Variants in PSMF1 observed in about 807,000 individuals in gnomAD.
PSMF1 encodes proteasome inhibitor subunit 1, also known as proteasome inhibitor PI31 subunit.
In PSMF1, 30 loss-of-function variants were observed where a neutral mutation model predicts 29.3. That is an observed-to-expected ratio of 1.02 (90% CI 0.77 to 1.39). The LOEUF (loss-of-function observed/expected upper bound fraction) is 1.39. Among genes scored for constraint, PSMF1 ranks in the 40% most tolerant of loss-of-function variants. The pLI, the probability that PSMF1 is intolerant of heterozygous loss-of-function variation, is 0.00. For synonymous variants in PSMF1, 134 were observed against 139.7 expected, an observed-to-expected ratio of 0.96 and a Z score of 0.29; for missense variants, 344 against 357.5, an observed-to-expected ratio of 0.96 and a Z score of 0.31.
chr20:1,125,633 A>C lies in PSMF1; in HGVS notation c.265A>C (p.Met89Leu), dbSNP rs1331719552. The change falls in exon 2 of 7, where the codon ATG (methionine) becomes CTG (leucine). Residue 89 changes from methionine to leucine, a missense_variant. By Grantham distance (15) the Met-to-Leu change is conservative. Transcript: ENST00000335877. ...LVKAITVESS[M>L]ILNVLEYGSQ... ...GAAAGCCATCACCGTGGAGAGCAGCATGATCCTCAATGTGCTGGTGAGTCT... is the reference window on the plus strand; with the variant it reads ...GAAAGCCATCACCGTGGAGAGCAGCCTGATCCTCAATGTGCTGGTGAGTCT... 1.9e-6 allele frequency: 3 copies of C among 1,612,636 alleles called. No homozygotes were observed. The highest frequency in any genetic ancestry group is 2.7e-5 in the African/African-American group (2 of 74,876).
intron 2 of PSMF1, chr20:1,125,913 A>G: frequency 1.6e-6 from 1 of 606,868 alleles, no homozygotes; most frequent in Non-Finnish European, 3.1e-6. Flanking sequence ...TTCAGTGACA[A>G]GATAGAAGGG....
chr20:1,155,723 C>T (rs2086586697), intron 4 of PSMF1, among the ~76,000 whole-genome samples: 1 of 152,210 alleles, frequency 6.6e-6, no homozygotes, highest in Non-Finnish European at 1.5e-5. Flanking sequence ...AACTGGATAG[C>T]ACATGCATGG....
Position 1,132,972 on chromosome 20 carries a change from T to TTG in PSMF1, c.366-2148_366-2147insGT, listed in dbSNP as rs1555759786. 1.3e-4 allele frequency among the ~76,000 whole-genome samples: 19 copies of TTG among 149,920 alleles called. 1 individual carries two copies. Among genetic ancestry groups the TTG allele is most frequent in the Admixed American group, 1.3e-4 (2 of 15,076 alleles). Reference sequence around the variant, plus strand: ...TCAAGGTGTTTAGGGTTTTTTTGTTTTTTTTTTTTTTTGGTAGATTCCTTG... The same window carrying TTG: ...TCAAGGTGTTTAGGGTTTTTTTGTTTTGTTTTTTTTTTTTGGTAGATTCCTTG... On this transcript the variant is annotated intron_variant, in intron 3 of 6. Coordinates refer to ENST00000335877, the MANE Select transcript of PSMF1 (RefSeq NM_006814.5).
chr20:1,163,241 C>T lies in PSMF1; in HGVS notation c.605+58C>T. On this transcript the variant is annotated intron_variant, in intron 5 of 6. Coordinates refer to ENST00000335877, the MANE Select transcript of PSMF1 (RefSeq NM_006814.5). The surrounding 1 kb of genome is among the most constrained non-coding windows in gnomAD (Gnocchi z 6.1). ...ACTTGCTTTTGTGGCTTTTCAGCCC[C>T]AGCTCATCTTCTAATTTTAGAGTTT... 6.4e-7 allele frequency: 1 copy of T among 1,562,860 alleles called. No homozygotes were observed. Among genetic ancestry groups the T allele is most frequent in the Non-Finnish European group, 8.8e-7 (1 of 1,135,482 alleles).
rs749845452 is a variant in PSMF1, at chr20:1,166,229, C to G, written c.*1149C>G. On this transcript the variant is annotated 3_prime_UTR_variant, in exon 7 of 7. Coordinates refer to ENST00000335877, the MANE Select transcript of PSMF1 (RefSeq NM_006814.5). ...GGTGTTCTCCGGATCCTTTTCAGCC[C>G]GAGGCCTGACAGACGCGGGCAGTGA... 2.5e-6 allele frequency: 4 copies of G among 1,612,356 alleles called. No homozygotes were observed. In the South Asian group the frequency reaches 3.3e-5, roughly 13 times the overall value.
chr20:1,152,894 G>A (rs1227075619), intron 4 of PSMF1, among the ~76,000 whole-genome samples: 1 of 152,154 alleles, frequency 6.6e-6, no homozygotes, highest in African/African-American at 2.4e-5. Context: ...TGCTTCAGTA[G>A]ACATACTTTT....
rs2086704871 is a variant in PSMF1 at position 1,164,487 on chromosome 20, A to G, written c.764+11A>G. 2 of 1,613,646 alleles carry G rather than the reference A, an allele frequency of 1.2e-6. No individual in the cohort carries two copies. The highest frequency in any genetic ancestry group is 2.2e-5 in the East Asian group (1 of 44,878). On this transcript the variant is annotated intron_variant, in intron 6 of 6. Coordinates refer to ENST00000335877, the MANE Select transcript of PSMF1 (RefSeq NM_006814.5). This position sits in a 1 kb window ranked among gnomAD's most constrained non-coding sequence, Gnocchi z 4.1. Reference sequence around the variant, plus strand: ...GACCAGCCCACCCGGGTACGTAGTCACTCAGGTATGCTGAGAAGTAGGACC... The same window carrying G: ...GACCAGCCCACCCGGGTACGTAGTCGCTCAGGTATGCTGAGAAGTAGGACC...
rs1244169481 is a variant in PSMF1 at position 1,166,209 on chromosome 20, TCTC to T, written c.*1131_*1133del. ...TCCTGGCCCACCTGACCTTTGGTGT[TCTC>T]CGGATCCTTTTCAGCCCGAGGCCTG... On this transcript the variant is annotated 3_prime_UTR_variant, in exon 7 of 7. Transcript: ENST00000335877. The T allele has an allele frequency of 6.2e-7, 1 of 1,612,106 alleles. No homozygotes were observed. Among genetic ancestry groups the T allele is most frequent in the African/African-American group, 1.3e-5 (1 of 75,024 alleles).
At position 1,118,662 on chromosome 20, in the gene PSMF1, C is replaced by A. The variant is rs765637241; in HGVS notation, c.-112C>A. 136 of 1,334,212 alleles carry A rather than the reference C, an allele frequency of 1.0e-4. No individual in the cohort carries two copies. Among genetic ancestry groups the A allele is most frequent in the Admixed American group, 1.7e-4 (7 of 40,118 alleles). 82.6% of individuals were successfully genotyped at this position (1,334,212 alleles called of 1,614,324 possible). ...ATTTTGGTCTCAGGTGTGGACTCGG[C>A]AAGAACCAGCGCAAGAGGGAAGCAG... is the stretch of plus-strand genomic sequence containing the variant. On this transcript the variant is annotated 5_prime_UTR_variant, in exon 1 of 7. Coordinates refer to ENST00000335877, the MANE Select transcript of PSMF1 (RefSeq NM_006814.5).
chr20:1,162,130 GTCATT>G (rs745694539), intron 4 of PSMF1, among the ~76,000 whole-genome samples: 1 of 152,160 alleles, frequency 6.6e-6, no homozygotes, highest in Non-Finnish European at 1.5e-5. Context: ...TGAACCAGTT[GTCATT>G]TCTGTCTTGC....
chr20:1,163,025 T>C lies in PSMF1; in HGVS notation c.552-105T>C, dbSNP rs2086685711. 2.5e-6 allele frequency: 3 copies of C among 1,204,034 alleles called. No homozygotes were observed. The African/African-American group carries it at 4.5e-5, about 18-fold the overall frequency. 74.6% of individuals were successfully genotyped at this position (1,204,034 alleles called of 1,614,324 possible). A position where few individuals can be genotyped will look rare whatever the true frequency, so the allele number is the denominator to read the frequency against. On this transcript the variant is annotated intron_variant, in intron 4 of 6. Coordinates refer to ENST00000335877, the MANE Select transcript of PSMF1 (RefSeq NM_006814.5). The surrounding 1 kb of genome is among the most constrained non-coding windows in gnomAD (Gnocchi z 6.1). ...CCCTGAAATATCCCTTGTGCTATGG[T>C]CTCATGCAAGGGTTTCCCATGCCTG...
chr20:1,118,942 C>G, intron 1 of PSMF1, 40 bp downstream of exon 1: 1 of 1,607,024 alleles, frequency 6.2e-7, no homozygotes, highest in Non-Finnish European at 8.5e-7. Flanking sequence ...AGGGAACTGT[C>G]TTCTGCCCAA....
chr20:1,123,385 G>C (rs1035179439), intron 1 of PSMF1, among the ~76,000 whole-genome samples: 1 of 152,102 alleles, frequency 6.6e-6, no homozygotes, highest in Non-Finnish European at 1.5e-5. Context: ...CATGACTACA[G>C]ATCTTCCCAG....
At chr20:1,121,373 G>C (rs2086085305) in intron 1 of PSMF1, among the ~76,000 whole-genome samples, 1 of 151,982 alleles carries the variant, frequency 6.6e-6, no homozygotes, top group Non-Finnish European at 1.5e-5. Flanking sequence ...GCAAACTAGA[G>C]TGTGGTGTAT....
chr20:1,142,380 A>C (rs2086393646), intron 4 of PSMF1, among the ~76,000 whole-genome samples: 1 of 152,104 alleles, frequency 6.6e-6, no homozygotes, highest in Admixed American at 6.5e-5. Flanking sequence ...TTAACTCATC[A>C]TTCAACATTA....
chr20:1,164,841 G>A lies in PSMF1; in HGVS notation c.765-188G>A, dbSNP rs1331890367. Among the ~76,000 whole-genome samples, 2 of 152,152 alleles carry A rather than the reference G, an allele frequency of 1.3e-5. No homozygotes were observed. The highest frequency in any genetic ancestry group is 2.9e-5 in the Non-Finnish European group (2 of 68,038). The stretch of plus-strand genomic sequence containing the variant: ...AGAAAATGAGGCCCTGAAAGATTAG[G>A]TAACTTATACCAAGCGGGGGAGTCA... On this transcript the variant is annotated intron_variant, in intron 6 of 6. Transcript: ENST00000335877. This position sits in a 1 kb window ranked among gnomAD's most constrained non-coding sequence, Gnocchi z 4.1.
At chr20:1,124,456 T>A (rs1350697535) in intron 1 of PSMF1, among the ~76,000 whole-genome samples, 1 of 152,212 alleles carries the variant, frequency 6.6e-6, no homozygotes, top group Non-Finnish European at 1.5e-5. Context: ...GGAGCTTTCA[T>A]ACATTGCTAG....
At chr20:1,161,404 C>A in intron 4 of PSMF1, 1 of 385,396 alleles carries the variant, frequency 2.6e-6, no homozygotes. Flanking sequence ...CATGAGACCA[C>A]CTTCAGCTCT....
intron 4 of PSMF1, among the ~76,000 whole-genome samples, chr20:1,147,171 CAT>C (rs776671360): frequency 2.6e-4 from 30 of 114,254 alleles, no homozygotes; most frequent in African/African-American, 4.0e-4. Context: ...TCATCATCAT[CAT>C]CATCACCACC....
Sources: allele counts gnomAD v4.1 joint callset (sites outside exome capture counted in the v4.1 genomes callset), GRCh38; gene constraint gnomAD v4.1.1; non-coding constraint Gnocchi (gnomAD v3.1); transcripts MANE v1.5; gene names NCBI Gene and HGNC (gene_info 2026-07-23, HGNC 2026-07-21).